The following EIF2B5 variants were observed in gnomAD, a reference collection of about 807,000 sequenced individuals.
The protein encoded by EIF2B5 is eukaryotic translation initiation factor 2B subunit epsilon, also known as translation initiation factor eIF2B subunit epsilon.
In EIF2B5, 38 loss-of-function variants were observed where a neutral mutation model predicts 87.3. That is an observed-to-expected ratio of 0.44 (90% CI 0.34 to 0.57). The LOEUF is 0.57. EIF2B5 is among the 20% of genes least tolerant of loss of function. The pLI is 0.02. For synonymous variants in EIF2B5, 313 were observed against 339.6 expected, an observed-to-expected ratio of 0.92 and a Z score of 0.86; for missense variants, 784 against 909.5, an observed-to-expected ratio of 0.86 and a Z score of 1.78.
chr3:184,136,832 G>T, intron 2 of EIF2B5, 96 bp downstream of exon 2: 1 of 1,546,726 alleles, frequency 6.5e-7, no homozygotes, highest in African/African-American at 1.4e-5. Context: ...GGGGAAAAAT[G>T]TGTCTACTTA....
intron 7 of EIF2B5, chr3:184,140,938 T>C (rs1461577607): frequency 4.8e-6 from 3 of 619,276 alleles, no homozygotes; most frequent in Non-Finnish European, 5.7e-6. Flanking sequence ...TGGATGACTC[T>C]TCACATTCCA....
At chr3:184,137,012 A>G in intron 2 of EIF2B5, 3 of 458,116 alleles carry the variant, frequency 6.5e-6, no homozygotes, top group Non-Finnish European at 1.2e-5. Context: ...CTTTTATTTA[A>G]TGGCTTCAGT....
chr3:184,141,847 C>G lies in EIF2B5; in HGVS notation c.1157-78C>G. 5.1e-6 allele frequency: 8 copies of G among 1,582,072 alleles called. No homozygotes were observed. The South Asian group carries it at 7.8e-5, about 15-fold the overall frequency. ...AGGTGGGAGCTGTGCTGGTGTCAGTCAGCCCTGTCCTCTATGAAGGGCTCT... is the reference window on the plus strand; with the variant it reads ...AGGTGGGAGCTGTGCTGGTGTCAGTGAGCCCTGTCCTCTATGAAGGGCTCT... On this transcript the variant is annotated intron_variant, in intron 7 of 15. Coordinates refer to ENST00000648915, the MANE Select transcript of EIF2B5 (RefSeq NM_003907.3).
At position 184,136,681 on chromosome 3, in the gene EIF2B5, C is replaced by G. The variant is rs781211740; in HGVS notation, c.265C>G (p.Gln89Glu). 1.2e-6 allele frequency: 2 copies of G among 1,614,146 alleles called. No homozygotes were observed. Among genetic ancestry groups the G allele is most frequent in the South Asian group, 2.2e-5 (2 of 91,080 alleles). The change falls in exon 2 of 16, where the codon CAG becomes GAG. Residue 89 changes from glutamine (Q) to glutamate (E), a missense_variant. Physicochemically the swap from Gln to Glu is conservative, Grantham distance 29 (BLOSUM62 2). Transcript: ENST00000648915. ...GGAATTCCTGACTGCCACAGGTGTA[C>G]AGGAAACATTTGTCTTTTGTTGCTG... ...TLEFLTATGV[Q>E]ETFVFCCWKA...
chr3:184,140,609 G>A lies in EIF2B5; in HGVS notation c.1035G>A (p.Gly345=). The change falls in exon 7 of 16, where the codon GGG becomes GGA. Residue 345 remains glycine, a synonymous_variant. Transcript: ENST00000648915. ...CTHSRHNIYR[G]PEVSLGHGSI... ...ATTCCCGGCACAACATCTACCGAGG[G>A]CCTGAGGTCAGCCTGGGCCATGGCA... is the stretch of plus-strand genomic sequence containing the variant. The A allele has an allele frequency of 6.2e-7, 1 of 1,614,158 alleles. No individual in the cohort carries two copies. The highest frequency in any genetic ancestry group is 8.5e-7 in the Non-Finnish European group (1 of 1,180,024).
Position 184,142,853 on chromosome 3 carries a change from CG to C in EIF2B5, c.1625del (p.Gly542GlufsTer17). 1 of 1,613,984 alleles carries C rather than the reference CG, an allele frequency of 6.2e-7. No homozygotes were observed. Among genetic ancestry groups the C allele is most frequent in the Non-Finnish European group, 8.5e-7 (1 of 1,179,994 alleles). On this transcript the variant is annotated frameshift_variant, in exon 11 of 16. Coordinates refer to ENST00000648915, the MANE Select transcript of EIF2B5 (RefSeq NM_003907.3). LOFTEE classifies it high-confidence loss of function. This position sits in a 1 kb window ranked among gnomAD's most constrained non-coding sequence, Gnocchi z 5.0. Reference sequence around the variant, plus strand: ...TATGGATTCTGAGGAGCCGGACAGCCGGGGAGGCTCCCCTCAGATGGATGAC... The same window carrying C: ...TATGGATTCTGAGGAGCCGGACAGCCGGGAGGCTCCCCTCAGATGGATGAC... ...QSMDSEEPDS[R>X]GGSPQMDDIK...
chr3:184,135,648 C>T, intron 1 of EIF2B5, 68 bp downstream of exon 1: 1 of 1,540,750 alleles, frequency 6.5e-7, no homozygotes. Flanking sequence ...GTTCTCATTT[C>T]GGCTAACTAC....
In EIF2B5 at chr3:184,140,266, G is replaced by A. The variant is rs574170666; in HGVS notation, c.843+109G>A. 117 of 1,401,970 alleles carry A rather than the reference G, an allele frequency of 8.3e-5. No individual in the cohort carries two copies. The African/African-American group carries it at 1.3e-3, about 16-fold the overall frequency. The allele number at this position is 1,401,970 out of a possible 1,614,324, so 86.8% of individuals were successfully genotyped here. On this transcript the variant is annotated intron_variant, in intron 6 of 15. Coordinates refer to ENST00000648915, the MANE Select transcript of EIF2B5 (RefSeq NM_003907.3). ...GTATTTTATTGAGGCTTAGGAGGGA[G>A]GAAAAGCAGGGGACAGGAGGAACAG... is the stretch of plus-strand genomic sequence containing the variant.
intron 5 of EIF2B5, among the ~76,000 whole-genome samples, chr3:184,139,455 A>G (rs546128051): frequency 6.8e-6 from 1 of 146,744 alleles, no homozygotes; most frequent in South Asian, 2.2e-4. Flanking sequence ...TAATTTTTGT[A>G]TTTTTAGTAG....
rs764040394 is a variant in EIF2B5, at chr3:184,140,655, C to G, written c.1081C>G (p.Leu361Val). 6.2e-7 allele frequency: 1 copy of G among 1,614,078 alleles called. No individual in the cohort carries two copies. The highest frequency in any genetic ancestry group is 8.5e-7 in the Non-Finnish European group (1 of 1,180,042). The change falls in exon 7 of 16, where the codon CTC (leucine) becomes GTC (valine). Residue 361 changes from leucine to valine, a missense_variant. Coordinates refer to ENST00000648915, the MANE Select transcript of EIF2B5 (RefSeq NM_003907.3). ...TGGCAGCATCCTAGAGGAAAATGTG[C>G]TCCTGGGCTCTGGCACTGTCATTGG... The part of the protein sequence containing the change: ...GHGSILEENV[L>V]LGSGTVIGSN...
At chr3:184,135,813 G>C (rs1713325140) in intron 1 of EIF2B5, 4 of 608,968 alleles carry the variant, frequency 6.6e-6, no homozygotes, top group Admixed American at 3.0e-5. Flanking sequence ...GGAATGAAGA[G>C]AGCTAAATGT....
chr3:184,140,315 C>T, intron 6 of EIF2B5, 103 bp from the exon 7 acceptor site: 1 of 1,419,716 alleles, frequency 7.0e-7, no homozygotes, highest in Admixed American at 1.7e-5. Flanking sequence ...ATCTTTGTGG[C>T]AGTGAGAGGC....
intron 5 of EIF2B5, chr3:184,138,824 C>A: frequency 3.7e-6 from 1 of 272,064 alleles, no homozygotes; most frequent in East Asian, 1.6e-4. Flanking sequence ...TGCACTACCA[C>A]TAATTTTTGT....
chr3:184,136,412 C>T (rs1341212594), intron 1 of EIF2B5, among the ~76,000 whole-genome samples, 200 bp from the exon 2 acceptor site: 1 of 152,206 alleles, frequency 6.6e-6, no homozygotes, highest in Non-Finnish European at 1.5e-5. Context: ...CTGTACTTAC[C>T]ATCCCCAAAT....
intron 2 of EIF2B5, 62 bp downstream of exon 2, chr3:184,136,798 ATG>A: frequency 6.2e-7 from 1 of 1,611,228 alleles, no homozygotes; most frequent in South Asian, 1.1e-5. Flanking sequence ...TTCAGGATGA[ATG>A]TAACTAAGGG....
Position 184,142,776 on chromosome 3 carries a change from C to G in EIF2B5, c.1547-3C>G. On this transcript the variant is annotated splice_region_variant and splice_polypyrimidine_tract_variant and intron_variant, in intron 10 of 15. Coordinates refer to ENST00000648915, the MANE Select transcript of EIF2B5 (RefSeq NM_003907.3). This position sits in a 1 kb window ranked among gnomAD's most constrained non-coding sequence, Gnocchi z 5.0. Reference sequence around the variant, plus strand: ...TTTTTCCTCACCCATTATGGCTTCTCAGGACTCAAGATCAACATGGAAGAA... The same window carrying G: ...TTTTTCCTCACCCATTATGGCTTCTGAGGACTCAAGATCAACATGGAAGAA... The G allele has an allele frequency of 1.2e-6, 2 of 1,613,232 alleles. No homozygotes were observed. Among genetic ancestry groups the G allele is most frequent in the East Asian group, 2.2e-5 (1 of 44,870 alleles).
chr3:184,139,119 A>G (rs1454307669), intron 5 of EIF2B5, among the ~76,000 whole-genome samples: 1 of 151,630 alleles, frequency 6.6e-6, no homozygotes, highest in South Asian at 2.1e-4. Flanking sequence ...ACAGGTACGC[A>G]CCACCACATC....
intron 14 of EIF2B5, 57 bp downstream of exon 14, chr3:184,144,281 A>G: frequency 1.2e-6 from 2 of 1,610,282 alleles, no homozygotes; most frequent in Non-Finnish European, 1.7e-6. Context: ...AGGGTTGGTG[A>G]CCCCCTTGGG....
At position 184,140,134 on chromosome 3, in the gene EIF2B5, C is replaced by G; in HGVS notation, c.820C>G (p.Arg274Gly). The change falls in exon 6 of 16, where the codon CGA (arginine) becomes GGA (glycine). Residue 274 changes from arginine to glycine, a missense_variant. Physicochemically the swap from Arg to Gly is moderately radical, Grantham distance 125 (BLOSUM62 -2). Transcript: ENST00000648915. ...FDYQTRDDFV[R>G]GLLVNEEILG... is the part of the protein sequence containing the mutation. ...CTACCAAACTCGAGATGACTTTGTG[C>G]GAGGTCTCTTAGTGAATGAGGAGGT... 6.2e-7 allele frequency: 1 copy of G among 1,613,774 alleles called. No homozygotes were observed. Among genetic ancestry groups the G allele is most frequent in the Non-Finnish European group, 8.5e-7 (1 of 1,179,834 alleles).
Sources: allele counts gnomAD v4.1 joint callset (sites outside exome capture counted in the v4.1 genomes callset), GRCh38; gene constraint gnomAD v4.1.1; non-coding constraint Gnocchi (gnomAD v3.1); transcripts MANE v1.5; gene names NCBI Gene and HGNC (gene_info 2026-07-23, HGNC 2026-07-21).